The following CCT5 variants were observed in gnomAD, a reference collection of about 807,000 sequenced individuals.
CCT5 encodes T-complex protein 1 subunit epsilon.
A neutral mutation model predicts 55.0 loss-of-function variants in CCT5; 6 were observed. The ratio of observed to expected loss-of-function variants is 0.11; its 90% confidence interval spans 0.06 to 0.22. The LOEUF (loss-of-function observed/expected upper bound fraction) is 0.22. CCT5 is among the 10% of genes least tolerant of loss of function. The pLI is 1.00. For synonymous variants in CCT5, 231 were observed against 243.7 expected (o/e 0.95, Z 0.49); for missense variants, 560 against 694.6 (o/e 0.81, Z 2.18).
At chr5:10,262,881 T>G (rs923155923) in intron 9 of CCT5, among the ~76,000 whole-genome samples, 1 of 152,260 alleles carries the variant, frequency 6.6e-6, no homozygotes, top group Non-Finnish European at 1.5e-5. Context: ...AATTCAAAAT[T>G]AATATTATAA....
At chr5:10,259,847 G>A (rs1031252683) in intron 6 of CCT5, among the ~76,000 whole-genome samples, 21 of 152,210 alleles carry the variant, frequency 1.4e-4, no homozygotes, top group Non-Finnish European at 2.2e-4. Context: ...CTGGTGAGGC[G>A]CAGGTTGCTG....
At chr5:10,254,973 A>G in intron 3 of CCT5, 135 bp downstream of exon 3, 1 of 661,966 alleles carries the variant, frequency 1.5e-6, no homozygotes. Flanking sequence ...AACATGCTAC[A>G]AAACAAATGT....
chr5:10,253,678 C>T (rs1157903634), intron 1 of CCT5, among the ~76,000 whole-genome samples: 1 of 152,210 alleles, frequency 6.6e-6, no homozygotes, highest in East Asian at 1.9e-4. Context: ...ATGTACAAGC[C>T]TAGATGCAAG....
chr5:10,250,233 T>G, upstream of CCT5: 2 of 1,577,280 alleles, frequency 1.3e-6, no homozygotes, highest in Non-Finnish European at 1.7e-6. Flanking sequence ...CCGCGCGTCT[T>G]GTGCTGCGCG....
chr5:10,250,268 A>C (rs1160715026), upstream of CCT5: 1 of 1,607,818 alleles, frequency 6.2e-7, no homozygotes, highest in Non-Finnish European at 8.5e-7. Flanking sequence ...GGCCCTCCCG[A>C]GAAAGGGAAG....
In CCT5 at chr5:10,254,844, A is replaced by G; in HGVS notation, c.331+6A>G. On this transcript the variant is annotated splice_donor_region_variant and intron_variant, in intron 3 of 10. Transcript: ENST00000280326. ...TGGAACCACAGGAGTGGTTGGTAAG[A>G]AAAGACAAAACATCCTTTCTCATTT... The G allele has an allele frequency of 6.2e-7, 1 of 1,612,314 alleles. No individual in the cohort carries two copies. The highest frequency in any genetic ancestry group is 1.3e-5 in the African/African-American group (1 of 75,004).
chr5:10,252,037 G>T (rs937185860), intron 1 of CCT5, among the ~76,000 whole-genome samples: 6 of 152,192 alleles, frequency 3.9e-5, no homozygotes, highest in African/African-American at 1.2e-4. Context: ...CCATGGTCAG[G>T]GCCACCGCTG....
At chr5:10,254,347 G>C (rs1054999657) in intron 2 of CCT5, 142 bp downstream of exon 2, 2 of 687,260 alleles carry the variant, frequency 2.9e-6, no homozygotes, top group African/African-American at 1.8e-5. Context: ...GTGTATTTCA[G>C]GTTTCTTAAA....
chr5:10,262,766 C>T (rs1037824895), intron 9 of CCT5, 148 bp downstream of exon 9: 3 of 853,704 alleles, frequency 3.5e-6, no homozygotes, highest in Non-Finnish European at 3.9e-6. Flanking sequence ...TTAATTCCCA[C>T]GTTCCTGTAT....
intron 9 of CCT5, among the ~76,000 whole-genome samples, 190 bp from the exon 10 acceptor site, chr5:10,262,944 A>G (rs954546709): frequency 3.3e-5 from 5 of 152,260 alleles, no homozygotes; most frequent in Non-Finnish European, 7.3e-5. Flanking sequence ...TCTCACATGT[A>G]TGTATACCCT....
Position 10,263,322 on chromosome 5 carries a change from G to A in CCT5, c.1498+8G>A. 5 of 1,584,118 alleles carry A rather than the reference G, an allele frequency of 3.2e-6. No homozygotes were observed. Among genetic ancestry groups the A allele is most frequent in the Middle Eastern group, 1.7e-4 (1 of 6,002 alleles). ...TGCACAAGGGGACAAATGGTGAGGA[G>A]CTGTCACGCCTCTGCGTGGAGGGGG... On this transcript the variant is annotated splice_region_variant and intron_variant, in intron 10 of 10. Coordinates refer to ENST00000280326, the MANE Select transcript of CCT5 (RefSeq NM_012073.5).
Position 10,262,509 on chromosome 5 carries a change from A to G in CCT5, c.1208A>G (p.His403Arg), listed in dbSNP as rs1302351192. ...MIIEEAKRSL[H>R]DALCVIRNLI... ...ATTGAGGAGGCGAAACGATCCCTTC[A>G]CGATGCTTTGTGTGTCATCCGGAAC... Residue 403 changes from histidine to arginine, a missense_variant, in exon 9 of 11, where the codon CAC (histidine) becomes CGC (arginine). His to Arg is a conservative substitution (Grantham distance 29). This residue lies in a region of CCT5 where 256 missense variants were observed against 372.4 expected (regional missense o/e 0.69). Transcript: ENST00000280326. 1 of 1,614,206 alleles carries G rather than the reference A, an allele frequency of 6.2e-7. No individual in the cohort carries two copies. Among genetic ancestry groups the G allele is most frequent in the East Asian group, 2.2e-5 (1 of 44,888 alleles).
chr5:10,250,201 A>C, upstream of CCT5: 1 of 1,549,206 alleles, frequency 6.5e-7, no homozygotes, highest in Non-Finnish European at 8.7e-7. Context: ...GCGTGAAATT[A>C]GTCTCAGTAG....
intron 10 of CCT5, 124 bp downstream of exon 10, chr5:10,263,438 TC>T: frequency 1.1e-6 from 1 of 872,812 alleles, no homozygotes; most frequent in South Asian, 1.6e-5. Flanking sequence ...CTTCAGGTGT[TC>T]AAGTCCTGAA....
intron 3 of CCT5, among the ~76,000 whole-genome samples, chr5:10,255,379 T>C (rs373685169): frequency 3.9e-5 from 6 of 152,332 alleles, no homozygotes; most frequent in African/African-American, 1.4e-4. Context: ...TCTGAAGATT[T>C]GAAATCTTTA....
At chr5:10,250,580 C>T (rs1745334142) in intron 1 of CCT5, 135 bp downstream of exon 1, 4 of 1,491,292 alleles carry the variant, frequency 2.7e-6, no homozygotes, top group African/African-American at 2.8e-5. Flanking sequence ...TCCCTGCGGT[C>T]TCCGGCCGCT....
chr5:10,258,740 C>T (rs776424769), intron 6 of CCT5, among the ~76,000 whole-genome samples: 12 of 152,214 alleles, frequency 7.9e-5, no homozygotes, highest in Admixed American at 4.6e-4. Context: ...GTGGCCATGC[C>T]TATAATCCCA....
intron 10 of CCT5, 120 bp from the exon 11 acceptor site, chr5:10,264,535 CT>C: frequency 1.3e-6 from 1 of 752,136 alleles, no homozygotes; most frequent in South Asian, 1.5e-5. Context: ...TGGCTTCCTG[CT>C]TGGCTTCCAG....
intron 9 of CCT5, 130 bp downstream of exon 9, chr5:10,262,748 A>C (rs1188046265): frequency 2.1e-6 from 2 of 947,280 alleles, no homozygotes; most frequent in Non-Finnish European, 3.4e-6. Context: ...CAGGTGTTTT[A>C]ATCTAAGTTA....
Sources: allele counts gnomAD v4.1 joint callset (sites outside exome capture counted in the v4.1 genomes callset), GRCh38; gene constraint gnomAD v4.1.1; regional missense constraint gnomAD v4.1.1; transcripts MANE v1.5; gene names NCBI Gene and HGNC (gene_info 2026-07-23, HGNC 2026-07-21).